The following RAD18 variants were observed in gnomAD, a reference collection of about 807,000 sequenced individuals.
The protein encoded by RAD18 is E3 ubiquitin-protein ligase RAD18.
RAD18 carries 47 observed loss-of-function variants against 60.4 expected under a neutral mutation model. The ratio of observed to expected loss-of-function variants is 0.78; its 90% confidence interval spans 0.62 to 0.99. The LOEUF is 0.99. Among genes scored for constraint, RAD18 ranks in the 50% least tolerant of loss-of-function variants. The pLI, the probability that RAD18 is intolerant of heterozygous loss-of-function variation, is 0.00. For missense variants in RAD18, 640 were observed against 593.3 expected, an observed-to-expected ratio of 1.08 and a Z score of -0.82; for synonymous variants, 225 against 195.5, an observed-to-expected ratio of 1.15 and a Z score of -1.26.
At chr3:8,907,788 T>TA (rs35165886) in intron 9 of RAD18, among the ~76,000 whole-genome samples, 106,189 of 151,978 alleles carry the variant, frequency 0.7, 37,570 homozygotes, top group Middle Eastern at 0.76. Context: ...CACTACCCAC[T>TA]ATCGGTTTGT....
chr3:8,959,321 A>C (rs1941060582), intron 1 of RAD18, among the ~76,000 whole-genome samples: 1 of 152,234 alleles, frequency 6.6e-6, no homozygotes, highest in South Asian at 2.1e-4. Context: ...ATGCGCTTCC[A>C]GCTCTTACTC....
intron 4 of RAD18, among the ~76,000 whole-genome samples, chr3:8,945,292 A>G (rs950370844): frequency 6.6e-6 from 1 of 152,124 alleles, no homozygotes; most frequent in Non-Finnish European, 1.5e-5. Context: ...TTATATTTTT[A>G]AAAGCAACAT....
chr3:8,949,345 A>T (rs1940891504), intron 2 of RAD18, among the ~76,000 whole-genome samples: 1 of 152,162 alleles, frequency 6.6e-6, no homozygotes, highest in East Asian at 1.9e-4. Context: ...GTATAAATTC[A>T]GGATTCGTTT....
At chr3:8,901,190 G>C (rs1939906045) in intron 10 of RAD18, among the ~76,000 whole-genome samples, 1 of 152,126 alleles carries the variant, frequency 6.6e-6, no homozygotes, top group African/African-American at 2.4e-5. Flanking sequence ...GCATTGATGA[G>C]GATGTGAAGA....
chr3:8,885,853 T>C (rs180730515), intron 12 of RAD18, among the ~76,000 whole-genome samples: 3 of 152,228 alleles, frequency 2.0e-5, no homozygotes, highest in Non-Finnish European at 2.9e-5. Flanking sequence ...AGGCCTTACA[T>C]GTCAAAAGGT....
intron 7 of RAD18, among the ~76,000 whole-genome samples, chr3:8,930,607 T>C (rs956175511): frequency 2.6e-5 from 4 of 152,134 alleles, no homozygotes; most frequent in African/African-American, 7.2e-5. Flanking sequence ...ATGTTATAAA[T>C]CATATCACAA....
At chr3:8,905,916 A>C (rs1381208875) in intron 9 of RAD18, among the ~76,000 whole-genome samples, 3 of 152,208 alleles carry the variant, frequency 2.0e-5, no homozygotes, top group African/African-American at 7.2e-5. Flanking sequence ...TCCAAGCACC[A>C]ATATACCTTG....
At chr3:8,955,482 G>C (rs1386272074) in intron 2 of RAD18, among the ~76,000 whole-genome samples, 1 of 152,206 alleles carries the variant, frequency 6.6e-6, no homozygotes, top group Non-Finnish European at 1.5e-5. Flanking sequence ...TAGCTCTGCG[G>C]CTTATCTTGG....
At chr3:8,899,209 C>T (rs2125050152) in intron 10 of RAD18, among the ~76,000 whole-genome samples, 162 bp from the exon 11 acceptor site, 1 of 152,318 alleles carries the variant, frequency 6.6e-6, no homozygotes, top group Non-Finnish European at 1.5e-5. Context: ...ATTAACACTA[C>T]AATGGTGCTA....
intron 9 of RAD18, among the ~76,000 whole-genome samples, chr3:8,910,767 G>C (rs942302065): frequency 1.2e-4 from 18 of 152,178 alleles, no homozygotes; most frequent in African/African-American, 4.3e-4. Flanking sequence ...GTAGGGCTCA[G>C]GATATATAAA....
intron 7 of RAD18, among the ~76,000 whole-genome samples, chr3:8,928,058 A>AAC (rs1336120052): frequency 2.0e-5 from 3 of 151,934 alleles, no homozygotes; most frequent in African/African-American, 7.3e-5. Flanking sequence ...TTAAAAAAAA[A>AAC]AAAAAAAAAG....
At chr3:8,893,190 A>G (rs1412833542) in intron 11 of RAD18, among the ~76,000 whole-genome samples, 3 of 152,204 alleles carry the variant, frequency 2.0e-5, no homozygotes, top group Non-Finnish European at 2.9e-5. Context: ...ACCAGGGTGT[A>G]AATTCATCAG....
intron 2 of RAD18, among the ~76,000 whole-genome samples, chr3:8,954,293 T>C (rs1368089572): frequency 1.3e-5 from 2 of 152,258 alleles, no homozygotes; most frequent in Non-Finnish European, 2.9e-5. Context: ...CCTTCTTTCA[T>C]AAAGTCCTTA....
At chr3:8,944,514 C>G (rs1940807587) in intron 4 of RAD18, among the ~76,000 whole-genome samples, 2 of 141,820 alleles carry the variant, frequency 1.4e-5, no homozygotes, top group African/African-American at 5.3e-5. Flanking sequence ...GCAGTCTGGG[C>G]AACAGAGCAA....
At chr3:8,894,206 A>C (rs1438267041) in intron 11 of RAD18, among the ~76,000 whole-genome samples, 1 of 152,232 alleles carries the variant, frequency 6.6e-6, no homozygotes, top group African/African-American at 2.4e-5. Context: ...CTTATCAATA[A>C]GGTTTTTGTC....
chr3:8,937,403 C>T (rs555219348), intron 6 of RAD18, among the ~76,000 whole-genome samples: 1 of 152,166 alleles, frequency 6.6e-6, no homozygotes, highest in East Asian at 1.9e-4. Context: ...AAATGTTTCC[C>T]CAAACACGAA....
intron 2 of RAD18, 29 bp from the exon 3 acceptor site, chr3:8,948,599 T>A: frequency 1.3e-6 from 2 of 1,544,460 alleles, no homozygotes; most frequent in African/African-American, 2.7e-5. Flanking sequence ...AACATAATGT[T>A]AATTAAGCTA....
chr3:8,950,703 T>C (rs1055517134), intron 2 of RAD18, among the ~76,000 whole-genome samples: 1 of 152,146 alleles, frequency 6.6e-6, no homozygotes, highest in Non-Finnish European at 1.5e-5. Context: ...CAAAGTCAGA[T>C]ATACCAGAAA....
intron 4 of RAD18, 103 bp from the exon 5 acceptor site, chr3:8,941,907 C>T (rs1940754044): frequency 1.9e-6 from 2 of 1,080,260 alleles, no homozygotes; most frequent in Non-Finnish European, 2.7e-6. Flanking sequence ...TTCTGAAATA[C>T]AGGACCTATA....
Sources: allele counts gnomAD v4.1 joint callset (sites outside exome capture counted in the v4.1 genomes callset), GRCh38; gene constraint gnomAD v4.1.1; transcripts MANE v1.5; gene names NCBI Gene and HGNC (gene_info 2026-07-23, HGNC 2026-07-21).